Variants in ALK observed in about 807,000 individuals in gnomAD.
ALK encodes the protein ALK tyrosine kinase receptor.
Under a neutral mutation model 163.1 loss-of-function variants are expected in ALK, and 74 were observed. The observed-to-expected ratio is 0.45, with a 90% CI of 0.38 to 0.55. The LOEUF (loss-of-function observed/expected upper bound fraction) is 0.55. Ranked by LOEUF, ALK falls within the 20% of genes least tolerant of loss-of-function variation. The pLI is 0.00. For missense variants in ALK, 2,063 were observed against 2,105.3 expected (o/e 0.98, Z 0.39); for synonymous variants, 960 against 843.2 (o/e 1.14, Z -2.40).
chr2:29,513,683 A>G (rs1445777908), intron 4 of ALK, among the ~76,000 whole-genome samples: 2 of 151,266 alleles, frequency 1.3e-5, no homozygotes, highest in Non-Finnish European at 3.0e-5. Flanking sequence ...TCTGCACAGC[A>G]AAAGAAACTA....
intron 14 of ALK, among the ~76,000 whole-genome samples, chr2:29,233,286 G>A (rs992990273): frequency 3.9e-5 from 6 of 152,104 alleles, no homozygotes; most frequent in African/African-American, 1.2e-4. Context: ...AGGACTACAG[G>A]TGCAAGCCAC....
At chr2:29,442,406 A>G (rs1670568860) in intron 4 of ALK, among the ~76,000 whole-genome samples, 1 of 152,182 alleles carries the variant, frequency 6.6e-6, no homozygotes, top group Admixed American at 6.5e-5. Flanking sequence ...CACAATATCC[A>G]TAACCACAGA....
chr2:29,811,952 C>T (rs1664771375), intron 1 of ALK, among the ~76,000 whole-genome samples: 2 of 152,152 alleles, frequency 1.3e-5, no homozygotes, highest in Admixed American at 1.3e-4. Flanking sequence ...ATAGAGGGTG[C>T]AAGGGGCAGG....
chr2:29,508,016 G>A (rs535015823), intron 4 of ALK, among the ~76,000 whole-genome samples: 2 of 152,274 alleles, frequency 1.3e-5, no homozygotes, highest in African/African-American at 4.8e-5. Flanking sequence ...CATGTCTTGC[G>A]TGAGTGTGGT....
chr2:29,499,129 T>C (rs556671342), intron 4 of ALK, among the ~76,000 whole-genome samples: 2 of 152,276 alleles, frequency 1.3e-5, no homozygotes, highest in South Asian at 2.1e-4. Context: ...TCCCAAGATA[T>C]ACGTTCCTCA....
At chr2:29,650,208 T>C (rs1394496719) in intron 3 of ALK, among the ~76,000 whole-genome samples, 2 of 152,130 alleles carry the variant, frequency 1.3e-5, no homozygotes, top group East Asian at 3.9e-4. Flanking sequence ...AACATATGGA[T>C]AGGTTAGCAG....
intron 14 of ALK, 55 bp downstream of exon 14, chr2:29,233,510 T>C (rs1664277731): frequency 6.2e-7 from 1 of 1,612,956 alleles, no homozygotes; most frequent in Non-Finnish European, 8.5e-7. Flanking sequence ...GTCATGAGGC[T>C]CTGACATTGC....
rs574781706 is a variant in ALK at position 29,519,222 on chromosome 2, G to A, written c.1154+12693C>T. On this transcript the variant is annotated intron_variant, in intron 4 of 28. Transcript: ENST00000389048. ...ATGGGGTGATCTGTTTTGCAAGGTG[G>A]TGAGCATTCTACTGCTGGAGTCAGG... is the stretch of plus-strand genomic sequence containing the variant. Among the ~76,000 whole-genome samples the A allele has an allele frequency of 8.5e-5, 13 of 152,342 alleles. 1 individual carries two copies. In the South Asian group the frequency reaches 2.3e-3, roughly 27 times the overall value.
chr2:29,572,514 A>G (rs1674404112), intron 3 of ALK, among the ~76,000 whole-genome samples: 1 of 151,994 alleles, frequency 6.6e-6, no homozygotes, highest in African/African-American at 2.4e-5. Flanking sequence ...CATGCCTGGT[A>G]TGCCCCCCTG....
chr2:29,199,224 G>T (rs1669100256), intron 26 of ALK, among the ~76,000 whole-genome samples: 1 of 152,124 alleles, frequency 6.6e-6, no homozygotes, highest in Non-Finnish European at 1.5e-5. Context: ...AAAGTGCTGG[G>T]ATTACAGATG....
chr2:29,921,179 G>A lies in ALK; in HGVS notation c.-520C>T, dbSNP rs1039202567. The A allele has an allele frequency of 3.8e-5, 9 of 235,254 alleles. No homozygotes were observed. The highest frequency in any genetic ancestry group is 2.0e-4 in the African/African-American group (9 of 45,394). 14.6% of individuals were successfully genotyped at this position (235,254 alleles called of 1,614,324 possible). Reference sequence around the variant, plus strand: ...CCTTTTGGCTCCTCCAAGCTCTTCTGCCCGGTCTGGGCGGGAACCGAGGGC... The same window carrying A: ...CCTTTTGGCTCCTCCAAGCTCTTCTACCCGGTCTGGGCGGGAACCGAGGGC... On this transcript the variant is annotated 5_prime_UTR_variant, in exon 1 of 29. Coordinates refer to ENST00000389048, the MANE Select transcript of ALK (RefSeq NM_004304.5).
At chr2:29,275,048 C>T (rs1435364174) in intron 11 of ALK, 51 bp downstream of exon 11, 1 of 1,611,950 alleles carries the variant, frequency 6.2e-7, no homozygotes, top group South Asian at 1.1e-5. Flanking sequence ...CTTTCTTCTG[C>T]CTTTTGCAAC....
chr2:29,344,174 G>T (rs1172093391), intron 5 of ALK, among the ~76,000 whole-genome samples: 2 of 152,150 alleles, frequency 1.3e-5, no homozygotes, highest in African/African-American at 4.8e-5. Flanking sequence ...AGATATTTTG[G>T]CAATTAATAA....
chr2:29,555,455 A>C (rs939321438), intron 3 of ALK, among the ~76,000 whole-genome samples: 2 of 152,108 alleles, frequency 1.3e-5, no homozygotes, highest in Non-Finnish European at 2.9e-5. Flanking sequence ...GATTAAATTT[A>C]AATCTAGTTC....
chr2:29,253,862 A>AGAT (rs1664883917), intron 11 of ALK, among the ~76,000 whole-genome samples: 1 of 151,508 alleles, frequency 6.6e-6, no homozygotes. Flanking sequence ...ATAGATAGAT[A>AGAT]GATAGATAGA....
At chr2:29,290,509 C>G (rs1432382197) in intron 9 of ALK, among the ~76,000 whole-genome samples, 1 of 152,184 alleles carries the variant, frequency 6.6e-6, no homozygotes, top group Admixed American at 6.5e-5. Flanking sequence ...CTAGGAGGGG[C>G]AGACAGGCAG....
intron 1 of ALK, among the ~76,000 whole-genome samples, chr2:29,816,926 G>C (rs1243793299): frequency 6.6e-6 from 1 of 152,222 alleles, no homozygotes; most frequent in Non-Finnish European, 1.5e-5. Context: ...ATATGCAAGA[G>C]AGAGGGAACA....
At chr2:29,831,259 G>GGAAGAGGAAGAAGAAGAAGAA (rs1665405769) in intron 1 of ALK, among the ~76,000 whole-genome samples, 1 of 28,132 alleles carries the variant, frequency 3.6e-5, no homozygotes, top group Non-Finnish European at 7.0e-5. Flanking sequence ...AAGAGGAAGA[G>GGAAGAGGAAGAAGAAGAAGAA]GAAGAAGAAG....
At chr2:29,572,076 G>A (rs904265286) in intron 3 of ALK, among the ~76,000 whole-genome samples, 1 of 152,164 alleles carries the variant, frequency 6.6e-6, no homozygotes, top group Non-Finnish European at 1.5e-5. Context: ...TGGAGGCAAC[G>A]CTTAACTTTG....
Sources: allele counts gnomAD v4.1 joint callset (sites outside exome capture counted in the v4.1 genomes callset), GRCh38; gene constraint gnomAD v4.1.1; transcripts MANE v1.5; gene names NCBI Gene and HGNC (gene_info 2026-07-23, HGNC 2026-07-21).